COL25A1: variants seen among roughly 807,000 people sequenced by gnomAD.
The protein encoded by COL25A1 is collagen type XXV alpha 1 chain.
A neutral mutation model predicts 128.4 loss-of-function variants in COL25A1; 103 were observed. That is an observed-to-expected ratio of 0.80 (90% CI 0.68 to 0.94). The LOEUF is 0.94. COL25A1 is among the 40% of genes least tolerant of loss of function. COL25A1 has a pLI of 0.00. For synonymous variants in COL25A1, 279 were observed against 277.2 expected, an observed-to-expected ratio of 1.01 and a Z score of -0.06; for missense variants, 745 against 840.0, an observed-to-expected ratio of 0.89 and a Z score of 1.40.
chr4:109,014,692 A>T (rs1324180882), intron 5 of COL25A1, among the ~76,000 whole-genome samples: 2 of 152,260 alleles, frequency 1.3e-5, no homozygotes, highest in African/African-American at 4.8e-5. Context: ...AAGAATTTAT[A>T]GCACTAAAGA....
intron 3 of COL25A1, among the ~76,000 whole-genome samples, chr4:109,187,027 G>C (rs995824287): frequency 2.0e-5 from 3 of 152,108 alleles, no homozygotes. Context: ...GGTATGATTT[G>C]GGGTAATCAT....
chr4:108,878,334 T>A (rs1446415296), intron 19 of COL25A1, among the ~76,000 whole-genome samples: 1 of 151,786 alleles, frequency 6.6e-6, no homozygotes, highest in Admixed American at 6.6e-5. Context: ...CATTGCCCAA[T>A]AAATAGTACA....
intron 3 of COL25A1, among the ~76,000 whole-genome samples, chr4:109,120,792 AG>A (rs1232352444): frequency 6.6e-6 from 1 of 151,146 alleles, no homozygotes; most frequent in African/African-American, 2.4e-5. Context: ...TGGGCAACAG[AG>A]TGAGACTCTG....
chr4:108,820,925 C>T (rs1313823656), intron 35 of COL25A1, among the ~76,000 whole-genome samples: 1 of 152,118 alleles, frequency 6.6e-6, no homozygotes, highest in East Asian at 1.9e-4. Context: ...GAATGCACCT[C>T]AGCTGTTTTA....
intron 3 of COL25A1, among the ~76,000 whole-genome samples, chr4:109,206,186 C>T (rs1268155305): frequency 6.6e-6 from 1 of 152,126 alleles, no homozygotes; most frequent in Non-Finnish European, 1.5e-5. Flanking sequence ...CTACTGTACA[C>T]ACCTTACCCA....
chr4:108,819,163 C>G (rs1731530304), intron 36 of COL25A1, 89 bp downstream of exon 36: 3 of 983,704 alleles, frequency 3.0e-6, no homozygotes, highest in Non-Finnish European at 4.5e-6. Context: ...TAAAGCTTGC[C>G]CAGAAAGCAC....
Position 109,301,983 on chromosome 4 carries a change from G to C in COL25A1, c.37C>G (p.Arg13Gly), listed in dbSNP as rs770384001. 8.7e-6 allele frequency: 14 copies of C among 1,605,156 alleles called. No individual in the cohort carries two copies. The highest frequency in any genetic ancestry group is 1.2e-5 in the Non-Finnish European group (14 of 1,176,074). Residue 13 changes from arginine (R) to glycine (G), a missense_variant, in exon 2 of 38, where the codon CGG (arginine) becomes GGG (glycine). By Grantham distance (125) the Arg-to-Gly change is moderately radical. This residue lies in a region of COL25A1 where 319 missense variants were observed against 324.9 expected (regional missense o/e 0.98). Coordinates refer to ENST00000399132, the MANE Select transcript of COL25A1 (RefSeq NM_198721.4). ...GTCGGGTCCTCGGATCTGGGCTCCC[G>C]GCCCCCTCCTTTCCCTGCGTGCTTC... ...LKKHAGKGGG[R>G]EPRSEDPTPA...
rs184787032 is a variant in COL25A1 at position 108,837,051 on chromosome 4, C to T, written c.1657-4618G>A. 3.8e-3 allele frequency among the ~76,000 whole-genome samples: 575 copies of T among 152,188 alleles called. 2 individuals are homozygous for T. The highest frequency in any genetic ancestry group is 6.3e-3 in the Non-Finnish European group (429 of 68,006). Reference sequence around the variant, plus strand: ...CCAAGTTGGCACCACTGCACTCCAGCCTGGGTGACAGAGAGAGACTCTGTC... The same window carrying T: ...CCAAGTTGGCACCACTGCACTCCAGTCTGGGTGACAGAGAGAGACTCTGTC... On this transcript the variant is annotated intron_variant, in intron 31 of 37. Coordinates refer to ENST00000399132, the MANE Select transcript of COL25A1 (RefSeq NM_198721.4).
In COL25A1 at chr4:108,844,558, T is replaced by C; in HGVS notation, c.1590A>G (p.Pro530=). 1 of 1,613,648 alleles carries C rather than the reference T, an allele frequency of 6.2e-7. No individual in the cohort carries two copies. Among genetic ancestry groups the C allele is most frequent in the Non-Finnish European group, 8.5e-7 (1 of 1,179,810 alleles). ...PGPQGPSIIG[P]PGPPGPHGPP... ...GGCCATGGGGACCTGGTGGGCCTGG[T>C]GGGCCTATGATCTGTATGTCCAAAA... is the stretch of plus-strand genomic sequence containing the variant. The change falls in exon 30 of 38, where the codon CCA becomes CCG. Residue 530 remains proline, a synonymous_variant. Transcript: ENST00000399132.
At chr4:109,295,430 T>C (rs964872650) in intron 3 of COL25A1, among the ~76,000 whole-genome samples, 5 of 152,122 alleles carry the variant, frequency 3.3e-5, no homozygotes, top group Admixed American at 6.6e-5. Context: ...GAATGCCTGC[T>C]ATTCTCATTT....
intron 3 of COL25A1, among the ~76,000 whole-genome samples, chr4:109,151,378 C>T (rs1305386937): frequency 6.6e-6 from 1 of 152,090 alleles, no homozygotes; most frequent in African/African-American, 2.4e-5. Flanking sequence ...TTAACTCTCC[C>T]ATAGTGATGT....
At chr4:108,956,369 C>CAGGACCTCA (rs1374090086) in intron 8 of COL25A1, among the ~76,000 whole-genome samples, 4 of 152,092 alleles carry the variant, frequency 2.6e-5, no homozygotes, top group Non-Finnish European at 4.4e-5. Flanking sequence ...TCACACAGTT[C>CAGGACCTCA]AGGACCTCAG....
At chr4:109,112,599 G>A (rs1296235075) in intron 3 of COL25A1, among the ~76,000 whole-genome samples, 2 of 151,690 alleles carry the variant, frequency 1.3e-5, no homozygotes, top group Admixed American at 1.3e-4. Context: ...TATATTAAAT[G>A]TTCAAGTAAA....
chr4:109,039,961 A>G (rs1217168842), intron 5 of COL25A1, among the ~76,000 whole-genome samples: 1 of 152,216 alleles, frequency 6.6e-6, no homozygotes, highest in Non-Finnish European at 1.5e-5. Flanking sequence ...GTATGTGTGT[A>G]TATCTTTGAG....
chr4:108,944,619 TGTGTAAATAA>T (rs1482848500), intron 8 of COL25A1, among the ~76,000 whole-genome samples: 2 of 152,162 alleles, frequency 1.3e-5, no homozygotes. Context: ...GAAATTTGAA[TGTGTAAATAA>T]GTCACTTCTT....
At chr4:109,085,297 A>G (rs1181161962) in intron 3 of COL25A1, among the ~76,000 whole-genome samples, 1 of 152,220 alleles carries the variant, frequency 6.6e-6, no homozygotes, top group Admixed American at 6.5e-5. Flanking sequence ...TGCAAATTCA[A>G]CATTTTGAAA....
chr4:108,852,999 A>G (rs371400082), intron 24 of COL25A1, 74 bp from the exon 25 acceptor site: 3 of 1,357,038 alleles, frequency 2.2e-6, no homozygotes, highest in Non-Finnish European at 3.1e-6. Context: ...CATTTGTGAA[A>G]TAATCAACTT....
At chr4:109,115,202 C>T (rs2126044715) in intron 3 of COL25A1, among the ~76,000 whole-genome samples, 2 of 152,170 alleles carry the variant, frequency 1.3e-5, no homozygotes, top group East Asian at 3.9e-4. Flanking sequence ...ACACTTGATA[C>T]TTAGGGGATT....
chr4:108,893,173 G>C (rs563379962), intron 16 of COL25A1, among the ~76,000 whole-genome samples: 1 of 152,206 alleles, frequency 6.6e-6, no homozygotes, highest in South Asian at 2.1e-4. Context: ...GATGAAGACA[G>C]TGTGAATACA....
Sources: allele counts gnomAD v4.1 joint callset (sites outside exome capture counted in the v4.1 genomes callset), GRCh38; gene constraint gnomAD v4.1.1; regional missense constraint gnomAD v4.1.1; transcripts MANE v1.5; gene names NCBI Gene and HGNC (gene_info 2026-07-23, HGNC 2026-07-21).